PDE4D: variants seen among roughly 807,000 people sequenced by gnomAD.
The protein encoded by PDE4D is 3',5'-cyclic-AMP phosphodiesterase 4D.
PDE4D carries 24 observed loss-of-function variants against 87.4 expected under a neutral mutation model. That is an observed-to-expected ratio of 0.27 (90% CI 0.20 to 0.39). The LOEUF (loss-of-function observed/expected upper bound fraction) is 0.39. Ranked by LOEUF, PDE4D falls within the 10% of genes least tolerant of loss-of-function variation. PDE4D has a pLI of 1.00. For missense variants in PDE4D, 714 were observed against 1,041.0 expected (o/e 0.69, Z 4.32); for synonymous variants, 384 against 383.2 (o/e 1.00, Z -0.02).
chr5:60,047,250 TTCTC>T (rs1361190373), intron 2 of PDE4D, among the ~76,000 whole-genome samples: 2 of 152,216 alleles, frequency 1.3e-5, no homozygotes, highest in Non-Finnish European at 2.9e-5. Context: ...TATTTGATTC[TTCTC>T]TCTTTTTTTC....
chr5:59,918,466 T>C (rs187164252), intron 3 of PDE4D, among the ~76,000 whole-genome samples: 87 of 152,328 alleles, frequency 5.7e-4, no homozygotes, highest in Middle Eastern at 3.4e-3. Flanking sequence ...TTTCCTCATC[T>C]TGAATATGGG....
intron 1 of PDE4D, among the ~76,000 whole-genome samples, chr5:59,764,506 A>T (rs529189800): frequency 1.3e-5 from 2 of 152,332 alleles, no homozygotes; most frequent in South Asian, 4.1e-4. Flanking sequence ...GCTGAGTGAC[A>T]TAGCACCTAG....
intron 1 of PDE4D, chr5:60,429,834 G>GT (rs371387651): frequency 0.064 from 18,052 of 283,026 alleles, 5 homozygotes; most frequent in South Asian, 0.11. Flanking sequence ...TGGTGGATTA[G>GT]TTTTTTTTTT....
At chr5:60,408,507 T>G (rs1381658701) in intron 1 of PDE4D, among the ~76,000 whole-genome samples, 1 of 152,196 alleles carries the variant, frequency 6.6e-6, no homozygotes, top group Non-Finnish European at 1.5e-5. Flanking sequence ...TATGTGACCT[T>G]CCTTCTGTCA....
intron 1 of PDE4D, among the ~76,000 whole-genome samples, chr5:59,286,101 G>A (rs1160108463): frequency 6.6e-6 from 1 of 152,168 alleles, no homozygotes; most frequent in African/African-American, 2.4e-5. Context: ...TACTGGATGA[G>A]AGGACCGAAG....
At chr5:59,539,700 A>G (rs983637459) in intron 1 of PDE4D, among the ~76,000 whole-genome samples, 1 of 152,136 alleles carries the variant, frequency 6.6e-6, no homozygotes, top group African/African-American at 2.4e-5. Context: ...AAAATTATGG[A>G]AGTAGCTGGC....
intron 3 of PDE4D, among the ~76,000 whole-genome samples, chr5:59,910,504 C>T (rs909628646): frequency 2.0e-5 from 3 of 152,132 alleles, no homozygotes; most frequent in Admixed American, 2.0e-4. Context: ...GATCCCAAAC[C>T]AGACAAAATG....
chr5:59,163,483 C>A (rs1781465032), intron 5 of PDE4D, among the ~76,000 whole-genome samples: 1 of 152,072 alleles, frequency 6.6e-6, no homozygotes, highest in African/African-American at 2.4e-5. Flanking sequence ...GTTGGCCAGG[C>A]TGGTCTCGAA....
At chr5:60,457,916 G>A (rs138785419) in intron 1 of PDE4D, among the ~76,000 whole-genome samples, 106 of 152,246 alleles carry the variant, frequency 7.0e-4, no homozygotes, top group African/African-American at 2.3e-3. Context: ...AACAAGATCC[G>A]ATTGATTTGT....
At chr5:60,238,175 GT>G (rs1160586614) in intron 1 of PDE4D, among the ~76,000 whole-genome samples, 1 of 151,766 alleles carries the variant, frequency 6.6e-6, no homozygotes, top group Non-Finnish European at 1.5e-5. Flanking sequence ...TTAAATTTAT[GT>G]TGCTATTATG....
intron 1 of PDE4D, among the ~76,000 whole-genome samples, chr5:59,354,312 C>T (rs957275576): frequency 1.2e-4 from 18 of 152,048 alleles, no homozygotes; most frequent in African/African-American, 3.1e-4. Flanking sequence ...ACTTTCACCG[C>T]GTAAGGATTT....
chr5:59,115,467 T>TCA (rs1580873151), intron 5 of PDE4D, among the ~76,000 whole-genome samples: 2 of 152,280 alleles, frequency 1.3e-5, no homozygotes, highest in East Asian at 3.9e-4. Flanking sequence ...TACCCAGCCT[T>TCA]TCTTAATTTG....
upstream of PDE4D, among the ~76,000 whole-genome samples, chr5:60,488,977 C>T (rs528899628): frequency 2.6e-5 from 4 of 152,264 alleles, no homozygotes; most frequent in African/African-American, 4.8e-5. Context: ...ATCCTTATTT[C>T]CCATTACATT....
intron 1 of PDE4D, among the ~76,000 whole-genome samples, chr5:59,675,747 TG>T (rs1344937356): frequency 6.6e-6 from 1 of 152,128 alleles, no homozygotes; most frequent in Non-Finnish European, 1.5e-5. Flanking sequence ...TGGAGTGCAG[TG>T]GCGCAATCCT....
chr5:59,615,962 ATCTG>A (rs1005878568), intron 1 of PDE4D, among the ~76,000 whole-genome samples: 11 of 151,302 alleles, frequency 7.3e-5, no homozygotes, highest in African/African-American at 2.4e-4. Context: ...AGCATCCACA[ATCTG>A]TCTTTTTTTT....
At chr5:59,394,632 A>C (rs1423233519) in intron 1 of PDE4D, among the ~76,000 whole-genome samples, 2 of 152,216 alleles carry the variant, frequency 1.3e-5, no homozygotes, top group Non-Finnish European at 2.9e-5. Flanking sequence ...GGTGAAAATA[A>C]TGAAAGATGG....
In PDE4D at chr5:60,398,206, T is replaced by C. The variant is rs114515012; in HGVS notation, c.-90+89736A>G. 2.7e-3 allele frequency among the ~76,000 whole-genome samples: 416 copies of C among 152,296 alleles called. 5 individuals are homozygous for C. Among genetic ancestry groups the C allele is most frequent in the African/African-American group, 9.7e-3 (403 of 41,560 alleles). ...TTTTGAACTGATTTGCAAATGATAGTGGTACCTCACCATTATTGAAGAAGG... is the reference window on the plus strand; with the variant it reads ...TTTTGAACTGATTTGCAAATGATAGCGGTACCTCACCATTATTGAAGAAGG... On this transcript the variant is annotated intron_variant, in intron 1 of 16. Transcript: ENST00000502484.
chr5:60,397,620 G>C (rs886246083), intron 1 of PDE4D, among the ~76,000 whole-genome samples: 5 of 152,150 alleles, frequency 3.3e-5, no homozygotes, highest in Non-Finnish European at 7.4e-5. Context: ...AGAGTAGAAT[G>C]GTGTTTACTG....
intron 1 of PDE4D, among the ~76,000 whole-genome samples, chr5:60,352,420 T>C (rs1759281727): frequency 1.3e-5 from 2 of 152,330 alleles, no homozygotes; most frequent in South Asian, 2.1e-4. Flanking sequence ...ACACTTTCTC[T>C]CTGCTCAAAA....
Sources: gnomAD v4.1 joint callset for allele counts (sites outside exome capture counted in the v4.1 genomes callset) on GRCh38, gnomAD v4.1.1 for gene constraint, MANE v1.5 for transcripts, NCBI Gene and HGNC (gene_info 2026-07-23, HGNC 2026-07-21) for gene names.